The following TTC23 variants were observed in gnomAD, a reference collection of about 807,000 sequenced individuals.
TTC23 encodes the protein tetratricopeptide repeat domain 23.
In TTC23, 58 loss-of-function variants were observed where a neutral mutation model predicts 55.1. The observed-to-expected ratio is 1.05, with a 90% CI of 0.85 to 1.31. TTC23 has a LOEUF of 1.31. Ranked by LOEUF, TTC23 falls within the 50% of genes most tolerant of loss-of-function variation. TTC23 has a pLI of 0.00. For synonymous variants in TTC23, 203 were observed against 199.9 expected (o/e 1.02, Z -0.13); for missense variants, 516 against 534.4 (o/e 0.97, Z 0.34).
intron 8 of TTC23, among the ~76,000 whole-genome samples, chr15:99,202,134 T>C (rs2076251599): frequency 6.6e-6 from 1 of 152,200 alleles, no homozygotes; most frequent in Admixed American, 6.5e-5. Context: ...ACATCTGAAA[T>C]ACTTATTATC....
In TTC23 at chr15:99,147,374, C is replaced by T. The variant is rs112415918; in HGVS notation, c.1144-7975G>A. Among the ~76,000 whole-genome samples the T allele has an allele frequency of 9.9e-4, 150 of 151,922 alleles. 1 individual carries two copies. Among genetic ancestry groups the T allele is most frequent in the African/African-American group, 2.9e-3 (120 of 41,476 alleles). On this transcript the variant is annotated intron_variant, in intron 12 of 13. Transcript: ENST00000394132. ...CCGAGTAGCTGGGACTACAGGCGCCCGCCACCACACCCGGCTAATTTTTTG... is the reference window on the plus strand; with the variant it reads ...CCGAGTAGCTGGGACTACAGGCGCCTGCCACCACACCCGGCTAATTTTTTG...
intron 8 of TTC23, among the ~76,000 whole-genome samples, chr15:99,212,754 T>C (rs2077142132): frequency 2.0e-5 from 3 of 151,884 alleles, no homozygotes; most frequent in Non-Finnish European, 2.9e-5. Flanking sequence ...TTCTAACACT[T>C]TGGGAGGCCG....
At chr15:99,217,060 T>C (rs1230061764) in intron 8 of TTC23, among the ~76,000 whole-genome samples, 2 of 152,080 alleles carry the variant, frequency 1.3e-5, no homozygotes, top group African/African-American at 2.4e-5. Context: ...CCAGAAGCAA[T>C]GAACTAAAAT....
At chr15:99,248,023 A>G (rs1282752911) in intron 1 of TTC23, among the ~76,000 whole-genome samples, 3 of 152,194 alleles carry the variant, frequency 2.0e-5, no homozygotes, top group Non-Finnish European at 4.4e-5. Flanking sequence ...AGACTTTTAT[A>G]AAGACGGGGC....
intron 8 of TTC23, among the ~76,000 whole-genome samples, chr15:99,211,363 T>C (rs759574955): frequency 6.6e-6 from 1 of 150,676 alleles, no homozygotes; most frequent in Non-Finnish European, 1.5e-5. Flanking sequence ...TGACAGAGAG[T>C]CTCAAAGACA....
chr15:99,222,921 C>T (rs1204592292), intron 5 of TTC23, among the ~76,000 whole-genome samples: 1 of 152,148 alleles, frequency 6.6e-6, no homozygotes, highest in Non-Finnish European at 1.5e-5. Context: ...GGTGTGAACC[C>T]GGGAGGCGGA....
intron 12 of TTC23, among the ~76,000 whole-genome samples, chr15:99,152,240 G>A (rs1295240180): frequency 6.6e-6 from 1 of 152,148 alleles, no homozygotes; most frequent in Admixed American, 6.6e-5. Flanking sequence ...GCCTTCTGCC[G>A]TAAGTAAAAG....
chr15:99,233,564 C>T (rs1482498317), intron 4 of TTC23, among the ~76,000 whole-genome samples: 1 of 152,150 alleles, frequency 6.6e-6, no homozygotes, highest in Non-Finnish European at 1.5e-5. Context: ...GATGAAAATT[C>T]TTAGCAAAGT....
rs1446914658 is a variant in TTC23, at chr15:99,249,335, G to A, written c.-595C>T. 1 of 152,062 alleles carries A rather than the reference G, an allele frequency of 6.6e-6. No individual in the cohort carries two copies. The highest frequency in any genetic ancestry group is 1.5e-5 in the Non-Finnish European group (1 of 68,014). The allele number at this position is 152,062 out of a possible 1,614,324, so 9.4% of individuals were successfully genotyped here. ...ACTCCTTTAAAACTTGTAAAAAACCGGAAAAGTTTCTGTAACTCTCCAATC... is the reference window on the plus strand; with the variant it reads ...ACTCCTTTAAAACTTGTAAAAAACCAGAAAAGTTTCTGTAACTCTCCAATC... On this transcript the variant is annotated 5_prime_UTR_variant, in exon 1 of 14. Transcript: ENST00000394132.
intron 9 of TTC23, 33 bp downstream of exon 9, chr15:99,199,886 A>G (rs1459311073): frequency 1.3e-6 from 2 of 1,585,926 alleles, no homozygotes; most frequent in Non-Finnish European, 1.7e-6. Context: ...TTGGGCCTAG[A>G]ACAGCTTTGG....
At position 99,200,107 on chromosome 15, in the gene TTC23, C is replaced by T; in HGVS notation, c.582-11G>A. 6.4e-7 allele frequency: 1 copy of T among 1,561,622 alleles called. No individual in the cohort carries two copies. Among genetic ancestry groups the T allele is most frequent in the East Asian group, 2.3e-5 (1 of 43,742 alleles). ...TGACCTTGATACACCCTAAAAAAAT[C>T]AAAGGAATTATTTTATTTAATAATT... is the stretch of plus-strand genomic sequence containing the variant. On this transcript the variant is annotated splice_polypyrimidine_tract_variant and intron_variant, in intron 8 of 13. Transcript: ENST00000394132.
chr15:99,200,915 A>G (rs776567687), intron 8 of TTC23, among the ~76,000 whole-genome samples: 10 of 152,246 alleles, frequency 6.6e-5, no homozygotes, highest in Non-Finnish European at 1.5e-4. Flanking sequence ...GCTGATCCAT[A>G]TTTATTGACA....
intron 9 of TTC23, among the ~76,000 whole-genome samples, chr15:99,190,632 G>C (rs184566103): frequency 3.3e-5 from 5 of 152,230 alleles, no homozygotes; most frequent in African/African-American, 1.2e-4. Flanking sequence ...ACGTTACAAT[G>C]GTGGTGAATC....
rs138680734 is a variant in TTC23, at chr15:99,197,387, C to T, written c.759+2532G>A. 9.6e-3 allele frequency among the ~76,000 whole-genome samples: 1,467 copies of T among 152,116 alleles called. 24 individuals carry two copies. Among genetic ancestry groups the T allele is most frequent in the African/African-American group, 0.034 (1,420 of 41,498 alleles). On this transcript the variant is annotated intron_variant, in intron 9 of 13. Coordinates refer to ENST00000394132, the MANE Select transcript of TTC23 (RefSeq NM_001288615.3). ...AAAGTGCTGGGATTACAGGTGTGAGCCACCACGCCCGGCCTGGTTTCTGTT... is the reference window on the plus strand; with the variant it reads ...AAAGTGCTGGGATTACAGGTGTGAGTCACCACGCCCGGCCTGGTTTCTGTT...
chr15:99,162,542 A>G (rs1206848387), intron 10 of TTC23, among the ~76,000 whole-genome samples: 1 of 152,202 alleles, frequency 6.6e-6, no homozygotes, highest in East Asian at 1.9e-4. Flanking sequence ...AAAAAGGTCC[A>G]TCTACTAGTA....
chr15:99,139,133 A>G, intron 13 of TTC23, 184 bp downstream of exon 13: 1 of 756,060 alleles, frequency 1.3e-6, no homozygotes, highest in Non-Finnish European at 2.3e-6. Context: ...TTATTTTTAA[A>G]TACCTGGGCA....
intron 8 of TTC23, 139 bp downstream of exon 8, chr15:99,218,449 C>T (rs2077645501): frequency 1.8e-6 from 2 of 1,100,364 alleles, no homozygotes; most frequent in South Asian, 3.1e-5. Flanking sequence ...TGACTGTGTT[C>T]CTCTTTTACT....
chr15:99,161,646 C>G, intron 11 of TTC23, 94 bp downstream of exon 11: 1 of 1,432,964 alleles, frequency 7.0e-7, no homozygotes, highest in Non-Finnish European at 9.5e-7. Context: ...GCTTTGCACA[C>G]AGTAGATGCT....
chr15:99,196,008 C>A (rs1257014503), intron 9 of TTC23, among the ~76,000 whole-genome samples: 2 of 151,628 alleles, frequency 1.3e-5, no homozygotes, highest in Non-Finnish European at 1.5e-5. Flanking sequence ...ACAAAATAGC[C>A]GGGCATGGTG....
Sources: gnomAD v4.1 joint callset for allele counts (sites outside exome capture counted in the v4.1 genomes callset) on GRCh38, gnomAD v4.1.1 for gene constraint, MANE v1.5 for transcripts, NCBI Gene and HGNC (gene_info 2026-07-23, HGNC 2026-07-21) for gene names.